Variants in DNAH5 observed in about 807,000 individuals in gnomAD.
DNAH5 encodes the protein dynein axonemal heavy chain 5.
Under a neutral mutation model 518.2 loss-of-function variants are expected in DNAH5, and 372 were observed. That is an observed-to-expected ratio of 0.72 (90% confidence interval 0.66 to 0.78). The LOEUF is 0.78. DNAH5 is among the 30% of genes least tolerant of loss of function. The pLI, the probability that DNAH5 is intolerant of heterozygous loss-of-function variation, is 0.00. For synonymous variants in DNAH5, 2,039 were observed against 2,025.9 expected (o/e 1.01, Z -0.17); for missense variants, 5,523 against 5,687.0 (o/e 0.97, Z 0.93).
chr5:13,919,156 A>G lies in DNAH5; in HGVS notation c.975+20T>C, dbSNP rs761281140. 1.2e-6 allele frequency: 2 copies of G among 1,613,912 alleles called. No individual in the cohort carries two copies. The highest frequency in any genetic ancestry group is 1.1e-5 in the South Asian group (1 of 91,082). On this transcript the variant is annotated intron_variant, in intron 7 of 78. Coordinates refer to ENST00000265104, the MANE Select transcript of DNAH5 (RefSeq NM_001369.3). ...AACTCTTATTCCCATTTCACAAGGC[A>G]AAATGAAATGGCTGACGACCTTCAG...
At chr5:13,747,705 A>G (rs1749587350) in intron 65 of DNAH5, among the ~76,000 whole-genome samples, 1 of 152,126 alleles carries the variant, frequency 6.6e-6, no homozygotes. Context: ...GTGTCTGTTC[A>G]TATCCTTCGC....
At position 13,776,709 on chromosome 5, in the gene DNAH5, TAAA is replaced by T; in HGVS notation, c.9106-6_9106-4del. On this transcript the variant is annotated splice_polypyrimidine_tract_variant and splice_region_variant and intron_variant, in intron 54 of 78. Transcript: ENST00000265104. The stretch of plus-strand genomic sequence containing the variant: ...TCTCGAGCAAATAGGTTAGAGACCT[TAAA>T]AAGAAGTACAGGCATGCAAATTCAG... The T allele has an allele frequency of 1.9e-6, 3 of 1,613,422 alleles. No homozygotes were observed. The highest frequency in any genetic ancestry group is 2.5e-6 in the Non-Finnish European group (3 of 1,179,678).
At chr5:13,963,331 A>C (rs745970410) in intron 1 of DNAH5, among the ~76,000 whole-genome samples, 9 of 152,090 alleles carry the variant, frequency 5.9e-5, no homozygotes, top group Non-Finnish European at 1.2e-4. Flanking sequence ...TAATCCCAGC[A>C]CTTTGGGAGG....
Position 13,737,396 on chromosome 5 carries a change from T to A in DNAH5, c.11311A>T (p.Thr3771Ser), listed in dbSNP as rs752801214. Reference protein sequence around the residue: ...EDNLLYRLTSTQGSLVEDESL... With the variant: ...EDNLLYRLTSSQGSLVEDESL... Reference sequence around the variant, plus strand: ...TCATCTTCTACCAGGGACCCCTGGGTACTTGTCAGGCGGTAAAGCAAGTTA... The same window carrying A: ...TCATCTTCTACCAGGGACCCCTGGGAACTTGTCAGGCGGTAAAGCAAGTTA... Residue 3771 changes from threonine to serine, a missense_variant, in exon 66 of 79, where the codon ACC (threonine) becomes TCC (serine). Transcript: ENST00000265104. 1 of 1,614,194 alleles carries A rather than the reference T, an allele frequency of 6.2e-7. No individual in the cohort carries two copies. Among genetic ancestry groups the A allele is most frequent in the Non-Finnish European group, 8.5e-7 (1 of 1,180,014 alleles).
chr5:13,978,479 C>T, intron 1 of DNAH5, among the ~76,000 whole-genome samples: 1 of 152,200 alleles, frequency 6.6e-6, no homozygotes. Context: ...TCCGTAGTCT[C>T]CAGGCTCTGT....
At chr5:13,751,005 T>C in intron 65 of DNAH5, 73 bp downstream of exon 65, 1 of 1,499,566 alleles carries the variant, frequency 6.7e-7, no homozygotes, top group Non-Finnish European at 9.3e-7. Flanking sequence ...TTACAACTGT[T>C]ATTATCTTAT....
At chr5:13,847,249 G>A (rs1213212649) in intron 31 of DNAH5, among the ~76,000 whole-genome samples, 1 of 152,046 alleles carries the variant, frequency 6.6e-6, no homozygotes, top group Non-Finnish European at 1.5e-5. Context: ...TCTATACAAG[G>A]CTTACATATA....
At position 13,885,095 on chromosome 5, in the gene DNAH5, G is replaced by A. The variant is rs1201992035; in HGVS notation, c.2877C>T (p.Leu959=). The change falls in exon 19 of 79, where the codon CTC becomes CTT. Residue 959 remains leucine (L), a synonymous_variant. Coordinates refer to ENST00000265104, the MANE Select transcript of DNAH5 (RefSeq NM_001369.3). ...CCATGTTCTGATGGTTGAAATGAGA[G>A]AGTAACTCGCGGGCTTCTTCCCCTA... The part of the protein sequence containing the change: ...EMLGEEAREL[L]SHFNHQNMDA... The A allele has an allele frequency of 6.2e-7, 1 of 1,614,254 alleles. No individual in the cohort carries two copies. The highest frequency in any genetic ancestry group is 1.7e-5 in the Admixed American group (1 of 60,034).
rs1199700354 is a variant in DNAH5 at position 13,691,982 on chromosome 5, T to C, written c.*2A>G. The C allele has an allele frequency of 1.1e-5, 18 of 1,614,006 alleles. No homozygotes were observed. The highest frequency in any genetic ancestry group is 1.4e-5 in the Non-Finnish European group (17 of 1,179,982). ...GCATTGGGTGGGGACACTCCCCACA[T>C]GTTACTTGACATCACACAGAAGGGC... On this transcript the variant is annotated 3_prime_UTR_variant, in exon 79 of 79. Coordinates refer to ENST00000265104, the MANE Select transcript of DNAH5 (RefSeq NM_001369.3).
At position 13,734,630 on chromosome 5, in the gene DNAH5, C is replaced by T. The variant is rs1053506240; in HGVS notation, c.11761+501G>A. 4.0e-5 allele frequency among the ~76,000 whole-genome samples: 6 copies of T among 151,678 alleles called. No individual in the cohort carries two copies. In the South Asian group the frequency reaches 1.0e-3, roughly 26 times the overall value. ...TGATGCCATCCCTTCTGCTTCAGCCCTCTTCCCTAAATGTTCCCATGGCCA... is the reference window on the plus strand; with the variant it reads ...TGATGCCATCCCTTCTGCTTCAGCCTTCTTCCCTAAATGTTCCCATGGCCA... On this transcript the variant is annotated intron_variant, in intron 68 of 78. Transcript: ENST00000265104.
At chr5:13,861,680 G>A (rs1768431350) in intron 29 of DNAH5, among the ~76,000 whole-genome samples, 2 of 152,208 alleles carry the variant, frequency 1.3e-5, no homozygotes, top group Admixed American at 1.3e-4. Context: ...CATGTGGACA[G>A]GCACAGTGGC....
In DNAH5 at chr5:13,810,179, CCAGCGCCGCCCCCGCGCTCCA is replaced by C. The variant is rs727502975; in HGVS notation, c.7468_7488del (p.Trp2490_Leu2496del). On this transcript the variant is annotated inframe_deletion, in exon 45 of 79. Transcript: ENST00000265104. ...TCCAGGCGGCGCCGTCCGTCCAGCT[CCAGCGCCGCCCCCGCGCTCCA>C]CAGCAGCGCGAACACGAACAGCCGC... 1.1e-5 allele frequency: 17 copies of C among 1,548,990 alleles called. No individual in the cohort carries two copies. The highest frequency in any genetic ancestry group is 1.5e-5 in the Non-Finnish European group (17 of 1,145,992).
chr5:14,002,470 G>A (rs910364746), intron 1 of DNAH5, among the ~76,000 whole-genome samples: 7 of 151,748 alleles, frequency 4.6e-5, no homozygotes, highest in South Asian at 2.1e-4. Flanking sequence ...TTCTAAAACC[G>A]GATCAACTTG....
upstream of DNAH5, among the ~76,000 whole-genome samples, chr5:13,946,812 T>C (rs552754880): frequency 5.3e-4 from 81 of 152,336 alleles, no homozygotes; most frequent in Non-Finnish European, 8.8e-4. Context: ...CAGGCAAAGT[T>C]TGAAGTTCCA....
At position 13,735,269 on chromosome 5, in the gene DNAH5, T is replaced by A. The variant is rs1044439678; in HGVS notation, c.11623A>T (p.Met3875Leu). The A allele has an allele frequency of 2.5e-6, 4 of 1,614,024 alleles. No individual in the cohort carries two copies. Among genetic ancestry groups the A allele is most frequent in the African/African-American group, 1.3e-5 (1 of 74,932 alleles). Reference protein sequence around the residue: ...SKRIANIIEHMTYEVYKYAAR... With the variant: ...SKRIANIIEHLTYEVYKYAAR... The stretch of plus-strand genomic sequence containing the variant: ...GCATACTTATAAACCTCGTAGGTCA[T>A]GTGCTCGATGATATTAGCAATCCTC... Residue 3875 changes from methionine (M) to leucine (L), a missense_variant, in exon 68 of 79, where the codon ATG becomes TTG. Around this residue, in one of 3 missense-constraint regions of DNAH5, gnomAD observed 5,121 missense variants for 5,223.3 expected, o/e 0.98. Coordinates refer to ENST00000265104, the MANE Select transcript of DNAH5 (RefSeq NM_001369.3).
chr5:13,700,829 C>T lies in DNAH5; in HGVS notation c.13534G>A (p.Val4512Met), dbSNP rs1742002777. The T allele has an allele frequency of 1.9e-6, 3 of 1,614,120 alleles. No individual in the cohort carries two copies. The highest frequency in any genetic ancestry group is 4.5e-5 in the East Asian group (2 of 44,874). The change falls in exon 78 of 79, where the codon GTG becomes ATG. Residue 4512 changes from valine (V) to methionine (M), a missense_variant. Val to Met is a conservative substitution (Grantham distance 21, BLOSUM62 1). Around this residue, in one of 3 missense-constraint regions of DNAH5, gnomAD observed 387 missense variants for 430.0 expected, o/e 0.90. Coordinates refer to ENST00000265104, the MANE Select transcript of DNAH5 (RefSeq NM_001369.3). The stretch of plus-strand genomic sequence containing the variant: ...CATTTGGTGACTTCATTGCAAAGCA[C>T]CATATTGTCCAGAGCCCAGCCTTTG... ...ANKGWALDNMVLCNEVTKWMK... is the reference protein window; with the variant it reads ...ANKGWALDNMMLCNEVTKWMK...
chr5:14,004,501 A>G (rs887073227), intron 1 of DNAH5, among the ~76,000 whole-genome samples: 2 of 152,150 alleles, frequency 1.3e-5, no homozygotes, highest in Non-Finnish European at 2.9e-5. Context: ...TTAATAATGC[A>G]CCTTGCATTG....
intron 1 of DNAH5, among the ~76,000 whole-genome samples, chr5:13,973,150 G>T (rs932848771): frequency 1.2e-4 from 19 of 152,308 alleles, no homozygotes; most frequent in South Asian, 4.1e-4. Flanking sequence ...TCAGAGAAAA[G>T]TTGATGTGAT....
At chr5:13,924,125 C>T (rs1447226110) in intron 3 of DNAH5, among the ~76,000 whole-genome samples, 1 of 152,172 alleles carries the variant, frequency 6.6e-6, no homozygotes, top group Non-Finnish European at 1.5e-5. Flanking sequence ...AGGTCGAAAA[C>T]CAGCTCTGAC....
Sources: gnomAD v4.1 joint callset for allele counts (sites outside exome capture counted in the v4.1 genomes callset) on GRCh38, gnomAD v4.1.1 for gene constraint, gnomAD v4.1.1 regional missense constraint, MANE v1.5 for transcripts, NCBI Gene and HGNC (gene_info 2026-07-23, HGNC 2026-07-21) for gene names.